Variants in NEK1 observed in about 807,000 individuals in gnomAD.
NEK1 encodes the protein serine/threonine-protein kinase Nek1.
In NEK1, 137 loss-of-function variants were observed where a neutral mutation model predicts 182.1. That is an observed-to-expected ratio of 0.75 (90% confidence interval 0.65 to 0.87). NEK1 has a LOEUF of 0.87. Ranked by LOEUF, NEK1 falls within the 40% of genes least tolerant of loss-of-function variation. The probability of loss-of-function intolerance (pLI) is 0.00; values close to 1 mark genes in which losing one functional copy is unlikely to be tolerated. For missense variants in NEK1, 1,391 were observed against 1,494.4 expected (o/e 0.93, Z 1.14); for synonymous variants, 513 against 492.2 (o/e 1.04, Z -0.56).
chr4:169,413,360 GT>G (rs1259765113), intron 31 of NEK1, among the ~76,000 whole-genome samples: 3 of 151,878 alleles, frequency 2.0e-5, no homozygotes, highest in Non-Finnish European at 4.4e-5. Context: ...TTTTGTAGAG[GT>G]GGGGGCTAAC....
intron 4 of NEK1, among the ~76,000 whole-genome samples, chr4:169,599,548 A>C (rs1233588406): frequency 6.6e-6 from 1 of 152,192 alleles, no homozygotes; most frequent in Non-Finnish European, 1.5e-5. Context: ...ATGTTTTTCC[A>C]CCAATATATC....
intron 19 of NEK1, among the ~76,000 whole-genome samples, chr4:169,529,370 T>C (rs917277992): frequency 1.3e-5 from 2 of 152,186 alleles, no homozygotes; most frequent in African/African-American, 4.8e-5. Context: ...CTGAACTGTA[T>C]ACTTTAAAAT....
chr4:169,535,941 A>G (rs1318960906), intron 19 of NEK1, among the ~76,000 whole-genome samples: 1 of 151,882 alleles, frequency 6.6e-6, no homozygotes, highest in Non-Finnish European at 1.5e-5. Flanking sequence ...AGATTTGATG[A>G]AAATCATAAA....
chr4:169,416,037 A>G (rs1734488500), intron 31 of NEK1, among the ~76,000 whole-genome samples: 1 of 152,152 alleles, frequency 6.6e-6, no homozygotes, highest in African/African-American at 2.4e-5. Flanking sequence ...TATTCAGAAA[A>G]AAGAGAGACT....
At chr4:169,408,317 A>T (rs1732993203) in intron 31 of NEK1, among the ~76,000 whole-genome samples, 1 of 152,142 alleles carries the variant, frequency 6.6e-6, no homozygotes, top group South Asian at 2.1e-4. Context: ...CAACCCACTA[A>T]TCTGACAGCT....
chr4:169,406,313 T>TA (rs955166514), intron 32 of NEK1, among the ~76,000 whole-genome samples: 4 of 151,638 alleles, frequency 2.6e-5, no homozygotes, highest in African/African-American at 7.3e-5. Flanking sequence ...GGTTAATGAT[T>TA]AAAAAAAAGA....
chr4:169,413,591 A>T (rs1191881466), intron 31 of NEK1, among the ~76,000 whole-genome samples: 2 of 152,196 alleles, frequency 1.3e-5, no homozygotes, highest in African/African-American at 4.8e-5. Flanking sequence ...ATGACCTTTA[A>T]TCAGTCTTTG....
chr4:169,428,371 T>TATATATATATATATATAA (rs1447545764), intron 29 of NEK1, among the ~76,000 whole-genome samples: 4 of 144,810 alleles, frequency 2.8e-5, no homozygotes, highest in South Asian at 2.2e-4. Flanking sequence ...TATATATATA[T>TATATATATATATATATAA]AATGGAATAT....
rs79893080 is a variant in NEK1 at position 169,568,444 on chromosome 4, C to T, written c.1021-6248G>A. Among the ~76,000 whole-genome samples, 1,242 of 152,160 alleles carry T rather than the reference C, an allele frequency of 8.2e-3. 14 individuals carry two copies. Among genetic ancestry groups the T allele is most frequent in the African/African-American group, 0.028 (1,174 of 41,480 alleles). On this transcript the variant is annotated intron_variant, in intron 12 of 35. Transcript: ENST00000507142. ...ATATTTCCAAAGAAATTTTGATCCA[C>T]GGCACATTTTTTTAAAAAAGGACAT...
At chr4:169,566,224 CATATTCAT>C (rs1213774880) in intron 12 of NEK1, among the ~76,000 whole-genome samples, 2 of 152,144 alleles carry the variant, frequency 1.3e-5, no homozygotes, top group African/African-American at 4.8e-5. Context: ...AGAATGTTTA[CATATTCAT>C]ATACTCTTGG....
intron 9 of NEK1, 128 bp from the exon 10 acceptor site, chr4:169,585,677 AAT>A (rs371546485): frequency 2.4e-5 from 14 of 575,738 alleles, no homozygotes; most frequent in African/African-American, 1.9e-4. Context: ...AAATAATTAG[AAT>A]ATGTTTTCTA....
chr4:169,445,701 CA>C (rs368207599), intron 27 of NEK1, among the ~76,000 whole-genome samples: 7 of 143,112 alleles, frequency 4.9e-5, no homozygotes, highest in African/African-American at 7.8e-5. Context: ...GGGGAGAAGG[CA>C]AAAAAAAACA....
chr4:169,602,859 A>T lies in NEK1; in HGVS notation c.-48-181T>A, dbSNP rs115462849. Reference sequence around the variant, plus strand: ...TTACTAGTACAACCTAATTACATCCAAAAAAGAGAAAAAAATGTGATATTT... The same window carrying T: ...TTACTAGTACAACCTAATTACATCCTAAAAAGAGAAAAAAATGTGATATTT... On this transcript the variant is annotated intron_variant, in intron 2 of 35. Transcript: ENST00000507142. Among the ~76,000 whole-genome samples the T allele has an allele frequency of 3.1e-3, 472 of 152,254 alleles. No individual in the cohort carries two copies. The highest frequency in any genetic ancestry group is 0.011 in the African/African-American group (453 of 41,576).
At chr4:169,446,020 T>TA (rs1179131290) in intron 27 of NEK1, among the ~76,000 whole-genome samples, 3 of 151,600 alleles carry the variant, frequency 2.0e-5, no homozygotes, top group African/African-American at 4.9e-5. Flanking sequence ...AGGTGGGAGC[T>TA]AAAAAAATTG....
intron 18 of NEK1, among the ~76,000 whole-genome samples, chr4:169,542,442 A>C (rs1232360687): frequency 6.6e-6 from 1 of 152,224 alleles, no homozygotes; most frequent in East Asian, 1.9e-4. Context: ...TGCTATTGTG[A>C]ATAGTGCCAC....
At chr4:169,570,326 C>G (rs1334194025) in intron 12 of NEK1, among the ~76,000 whole-genome samples, 1 of 151,780 alleles carries the variant, frequency 6.6e-6, no homozygotes, top group Non-Finnish European at 1.5e-5. Context: ...TGAGGAGCGT[C>G]TCCGCCCGGC....
At chr4:169,486,551 G>A (rs1749076091) in intron 23 of NEK1, among the ~76,000 whole-genome samples, 1 of 152,180 alleles carries the variant, frequency 6.6e-6, no homozygotes, top group African/African-American at 2.4e-5. Flanking sequence ...ATTTCACACA[G>A]TTTTATACAG....
intron 5 of NEK1, among the ~76,000 whole-genome samples, chr4:169,596,161 G>A (rs375398119): frequency 6.6e-6 from 1 of 152,068 alleles, no homozygotes; most frequent in Non-Finnish European, 1.5e-5. Flanking sequence ...GTTTCCTGAC[G>A]TTAGGATAGA....
rs762366570 is a variant in NEK1 at position 169,585,454 on chromosome 4, C to T, written c.702G>A (p.Leu234=). ...GATTTCTTTTAAATAACTGAGACAC[C>T]AAACTGCGGAGATCATAGGAATAAT... ...SLHYSYDLRS[L]VSQLFKRNPR... is the part of the protein sequence containing the mutation. Residue 234 remains leucine (L), a synonymous_variant, in exon 10 of 36, where the codon TTG becomes TTA. Transcript: ENST00000507142. 6.2e-7 allele frequency: 1 copy of T among 1,613,168 alleles called. No homozygotes were observed. Among genetic ancestry groups the T allele is most frequent in the African/African-American group, 1.3e-5 (1 of 74,864 alleles).
Sources: gnomAD v4.1 joint callset for allele counts (sites outside exome capture counted in the v4.1 genomes callset) on GRCh38, gnomAD v4.1.1 for gene constraint, MANE v1.5 for transcripts, NCBI Gene and HGNC (gene_info 2026-07-23, HGNC 2026-07-21) for gene names.